Variants in NDUFA5 observed in about 807,000 individuals in gnomAD.
NDUFA5 encodes the protein NADH:ubiquinone oxidoreductase subunit A5.
In NDUFA5, 11 loss-of-function variants were observed where a neutral mutation model predicts 19.8. The ratio of observed to expected loss-of-function variants is 0.56; its 90% CI spans 0.35 to 0.92. The LOEUF is 0.92. Among genes scored for constraint, NDUFA5 ranks in the 40% least tolerant of loss-of-function variants. The pLI, the probability that NDUFA5 is intolerant of heterozygous loss-of-function variation, is 0.01. For synonymous variants in NDUFA5, 47 were observed against 46.8 expected, an observed-to-expected ratio of 1.00 and a Z score of -0.01; for missense variants, 109 against 134.2, an observed-to-expected ratio of 0.81 and a Z score of 0.93.
intron 4 of NDUFA5, 134 bp from the exon 5 acceptor site, chr7:123,542,354 A>C: frequency 1.7e-6 from 1 of 588,428 alleles, no homozygotes; most frequent in South Asian, 2.3e-5. Flanking sequence ...CAAATGTTGA[A>C]TATTAAGTAA....
chr7:123,594,523 T>G, the NDUFA5 span, among the ~76,000 whole-genome samples: 1 of 152,164 alleles, frequency 6.6e-6, no homozygotes, highest in South Asian at 2.1e-4. Flanking sequence ...TAGTTTTCCT[T>G]CTAACAGACA....
At chr7:123,590,850 C>G in the NDUFA5 span, among the ~76,000 whole-genome samples, 2 of 152,190 alleles carry the variant, frequency 1.3e-5, no homozygotes, top group African/African-American at 4.8e-5. Flanking sequence ...GCAGTGGTAG[C>G]TTGATGGGGA....
the NDUFA5 span, among the ~76,000 whole-genome samples, chr7:123,577,504 G>A: frequency 6.6e-6 from 1 of 152,072 alleles, no homozygotes; most frequent in African/African-American, 2.4e-5. Flanking sequence ...TTTTTATTCA[G>A]ATCGACTTTA....
the NDUFA5 span, among the ~76,000 whole-genome samples, chr7:123,575,109 G>A: frequency 6.7e-6 from 1 of 149,774 alleles, no homozygotes; most frequent in Non-Finnish European, 1.5e-5. Context: ...GCCTAGGCAG[G>A]CTGTTTCAAT....
chr7:123,542,338 C>T, intron 4 of NDUFA5, 118 bp from the exon 5 acceptor site: 1 of 654,940 alleles, frequency 1.5e-6, no homozygotes, highest in Non-Finnish European at 2.5e-6. Context: ...TAATCTATTC[C>T]ACCATCAAAT....
chr7:123,586,816 C>T, the NDUFA5 span, among the ~76,000 whole-genome samples: 23 of 151,844 alleles, frequency 1.5e-4, no homozygotes, highest in African/African-American at 5.5e-4. Context: ...ATCGTTTCCT[C>T]ATTGTGTATT....
At chr7:123,549,481 A>G (rs1158428266) in intron 3 of NDUFA5, among the ~76,000 whole-genome samples, 3 of 152,198 alleles carry the variant, frequency 2.0e-5, no homozygotes, top group Admixed American at 6.5e-5. Flanking sequence ...AGATGATGAT[A>G]AAATAGGTGA....
chr7:123,565,396 TACACACACACACAC>T, the NDUFA5 span, among the ~76,000 whole-genome samples: 2 of 148,248 alleles, frequency 1.3e-5, no homozygotes, highest in African/African-American at 5.0e-5. Context: ...TAGCTTATAA[TACACACACACACAC>T]ACACACACAC....
chr7:123,597,766 G>T, the NDUFA5 span, among the ~76,000 whole-genome samples: 7 of 152,158 alleles, frequency 4.6e-5, no homozygotes, highest in Admixed American at 2.0e-4. Context: ...AGGAGGCAGA[G>T]GTTGCAGTGA....
At chr7:123,574,380 AAC>A in the NDUFA5 span, among the ~76,000 whole-genome samples, 1 of 152,094 alleles carries the variant, frequency 6.6e-6, no homozygotes, top group South Asian at 2.1e-4. Context: ...GACTTGTTAA[AAC>A]ACAGATTGCT....
At chr7:123,572,070 G>A in the NDUFA5 span, among the ~76,000 whole-genome samples, 5 of 149,400 alleles carry the variant, frequency 3.3e-5, no homozygotes, top group African/African-American at 9.8e-5. Context: ...TTACAGGTGT[G>A]AGCCAGTGTG....
the NDUFA5 span, among the ~76,000 whole-genome samples, chr7:123,588,929 G>A: frequency 6.6e-6 from 1 of 151,668 alleles, no homozygotes; most frequent in Non-Finnish European, 1.5e-5. Context: ...GGTTGGAAAA[G>A]ATAATTGATA....
At chr7:123,594,042 C>T in the NDUFA5 span, among the ~76,000 whole-genome samples, 40 of 152,128 alleles carry the variant, frequency 2.6e-4, no homozygotes, top group South Asian at 6.2e-3. Context: ...TCATCAATCA[C>T]GATATCCCTT....
chr7:123,585,216 CT>C, the NDUFA5 span, among the ~76,000 whole-genome samples: 4 of 151,682 alleles, frequency 2.6e-5, no homozygotes, highest in Non-Finnish European at 4.4e-5. Context: ...ACCAATCCCC[CT>C]CTTAGAAATT....
chr7:123,595,495 C>T, the NDUFA5 span, among the ~76,000 whole-genome samples: 1 of 152,200 alleles, frequency 6.6e-6, no homozygotes, highest in African/African-American at 2.4e-5. Context: ...GAAGCCTCCC[C>T]ACTTCAATGA....
chr7:123,600,612 TG>T, the NDUFA5 span, among the ~76,000 whole-genome samples: 2 of 152,226 alleles, frequency 1.3e-5, no homozygotes, highest in African/African-American at 4.8e-5. Context: ...ATGTAGACAA[TG>T]TATGCAATGA....
the NDUFA5 span, among the ~76,000 whole-genome samples, chr7:123,574,465 C>T: frequency 6.6e-6 from 1 of 152,138 alleles, no homozygotes; most frequent in Non-Finnish European, 1.5e-5. Context: ...GGGATAGGAC[C>T]TGAATATGAA....
intron 4 of NDUFA5, among the ~76,000 whole-genome samples, chr7:123,543,352 T>A (rs894217345): frequency 2.9e-4 from 44 of 152,142 alleles, no homozygotes; most frequent in Non-Finnish European, 5.4e-4. Context: ...CAGCTGCACC[T>A]GGCCCCTGAT....
At chr7:123,557,848 C>G (rs1296261724), upstream of NDUFA5, 1 of 1,608,754 alleles carries the variant, frequency 6.2e-7, no homozygotes, top group East Asian at 2.2e-5. Flanking sequence ...ATTCTCAGAC[C>G]TGCTCAATCG....
Sources: allele counts gnomAD v4.1 joint callset (sites outside exome capture counted in the v4.1 genomes callset), GRCh38; gene constraint gnomAD v4.1.1; transcripts MANE v1.5; gene names NCBI Gene and HGNC (gene_info 2026-07-23, HGNC 2026-07-21).